IFI16: variants seen among roughly 807,000 people sequenced by gnomAD.
IFI16 encodes the protein interferon gamma inducible protein 16.
Under a neutral mutation model 68.4 loss-of-function variants are expected in IFI16, and 49 were observed. The ratio of observed to expected loss-of-function variants is 0.72; its 90% confidence interval spans 0.57 to 0.91. The LOEUF (loss-of-function observed/expected upper bound fraction) is 0.91. Ranked by LOEUF, IFI16 falls within the 40% of genes least tolerant of loss-of-function variation. The pLI is 0.00. For missense variants in IFI16, 878 were observed against 942.9 expected, an observed-to-expected ratio of 0.93 and a Z score of 0.90; for synonymous variants, 307 against 315.0, an observed-to-expected ratio of 0.97 and a Z score of 0.27.
chr1:159,042,661 A>G (rs1432248208), intron 7 of IFI16, among the ~76,000 whole-genome samples: 2 of 152,188 alleles, frequency 1.3e-5, no homozygotes, highest in African/African-American at 4.8e-5. Context: ...GTTTGCCTTC[A>G]TAGGTACCTT....
At position 159,018,438 on chromosome 1, in the gene IFI16, C is replaced by T. The variant is rs1653082078; in HGVS notation, c.759C>T (p.Phe253=). 4 of 1,613,362 alleles carry T rather than the reference C, an allele frequency of 2.5e-6. No individual in the cohort carries two copies. Among genetic ancestry groups the T allele is most frequent in the Admixed American group, 1.7e-5 (1 of 60,006 alleles). ...TAAACACCAGCTTGAAGGAGAAATT[C>T]AATGGAAAGAAAATCATCATCATAT... ...KVLNTSLKEK[F]NGKKIIIISD... Residue 253 remains phenylalanine, a synonymous_variant, in exon 5 of 12, where the codon TTC becomes TTT. Coordinates refer to ENST00000295809, the MANE Select transcript of IFI16 (RefSeq NM_001376587.1).
rs1242359398 is a variant in IFI16 at position 159,015,903 on chromosome 1, G to A, written c.297G>A (p.Lys99=). The A allele has an allele frequency of 1.2e-6, 2 of 1,614,030 alleles. No homozygotes were observed. Among genetic ancestry groups the A allele is most frequent in the Non-Finnish European group, 1.7e-6 (2 of 1,179,894 alleles). Residue 99 remains lysine, a synonymous_variant, in exon 3 of 12, where the codon AAG becomes AAA. Transcript: ENST00000295809. ...VKGPALSRKR[K]KEVDATSPAP... ...GACCAGCCCTATCAAGAAAGAGGAA[G>A]AAGGAAGTGGATGCTACTTCACCTG...
intron 2 of IFI16, 56 bp from the exon 3 acceptor site, chr1:159,015,816 T>A: frequency 7.7e-7 from 1 of 1,296,512 alleles, no homozygotes; most frequent in Non-Finnish European, 1.1e-6. Context: ...TCGGAGATCG[T>A]TTATATGTCT....
intron 1 of IFI16, among the ~76,000 whole-genome samples, chr1:159,011,852 A>G (rs1483423464): frequency 6.6e-6 from 1 of 152,144 alleles, no homozygotes; most frequent in East Asian, 1.9e-4. Context: ...AACAGGTCAG[A>G]CCTTTTAGGT....
chr1:159,031,039 C>G (rs1441802178), intron 6 of IFI16, among the ~76,000 whole-genome samples: 2 of 152,098 alleles, frequency 1.3e-5, no homozygotes, highest in Non-Finnish European at 2.9e-5. Flanking sequence ...GTGTGATTCT[C>G]AGGCCAATGG....
chr1:159,016,679 A>G lies in IFI16; in HGVS notation c.528A>G (p.Pro176=). 1 of 1,613,214 alleles carries G rather than the reference A, an allele frequency of 6.2e-7. No homozygotes were observed. The highest frequency in any genetic ancestry group is 1.1e-5 in the South Asian group (1 of 90,944). Residue 176 remains proline, a synonymous_variant, in exon 4 of 12, where the codon CCA becomes CCG. Transcript: ENST00000295809. ...CTCCCAAGACCTCATTGTCAGCTCC[A>G]CCCAACAGTTCTTCAACTGAGGTAC... ...SPSPKTSLSA[P]PNSSSTENPK... is the part of the protein sequence containing the mutation.
At chr1:159,040,212 G>C (rs1368166116) in intron 7 of IFI16, among the ~76,000 whole-genome samples, 1 of 152,032 alleles carries the variant, frequency 6.6e-6, no homozygotes, top group Non-Finnish European at 1.5e-5. Context: ...TGCATATGAG[G>C]CATATAATAA....
chr1:159,041,425 G>T (rs77829621), intron 7 of IFI16, among the ~76,000 whole-genome samples: 246 of 152,220 alleles, frequency 1.6e-3, no homozygotes, highest in African/African-American at 5.4e-3. Flanking sequence ...GAGGATCCTC[G>T]CAGCAAAGAT....
chr1:159,052,439 T>A, intron 10 of IFI16: 1 of 201,286 alleles, frequency 5.0e-6, no homozygotes, highest in South Asian at 1.2e-4. Flanking sequence ...TTTCTTTGAG[T>A]TCTTCTCCAT....
chr1:159,054,219 C>A (rs1655542516), intron 11 of IFI16, among the ~76,000 whole-genome samples: 1 of 152,186 alleles, frequency 6.6e-6, no homozygotes, highest in Non-Finnish European at 1.5e-5. Flanking sequence ...TAGTGAGATA[C>A]ATACACTGGT....
intron 4 of IFI16, among the ~76,000 whole-genome samples, chr1:159,017,441 G>C (rs1185971175): frequency 6.6e-6 from 1 of 151,602 alleles, no homozygotes. Context: ...TATAGTTTGT[G>C]GTGGGCACCA....
Position 159,020,429 on chromosome 1 carries a change from T to A in IFI16, c.1061T>A (p.Ile354Asn). The A allele has an allele frequency of 6.2e-7, 1 of 1,612,188 alleles. No homozygotes were observed. Among genetic ancestry groups the A allele is most frequent in the Non-Finnish European group, 8.5e-7 (1 of 1,178,346 alleles). ...GTGGGGACAGGACAATGTCACAATATCCCCTGTGAAGAAGGAGATAAGCTC... is the reference window on the plus strand; with the variant it reads ...GTGGGGACAGGACAATGTCACAATAACCCCTGTGAAGAAGGAGATAAGCTC... ...DVVGTGQCHN[I>N]PCEEGDKLQL... The change falls in exon 6 of 12, where the codon ATC (isoleucine) becomes AAC (asparagine). Residue 354 changes from isoleucine (I) to asparagine (N), a missense_variant. Transcript: ENST00000295809.
At chr1:159,028,454 G>C (rs1455200878) in intron 6 of IFI16, among the ~76,000 whole-genome samples, 1 of 152,026 alleles carries the variant, frequency 6.6e-6, no homozygotes, top group Non-Finnish European at 1.5e-5. Context: ...CTTGGAGAAT[G>C]TTCCATGTGC....
intron 6 of IFI16, among the ~76,000 whole-genome samples, chr1:159,021,345 C>A (rs916593430): frequency 2.0e-4 from 30 of 152,144 alleles, no homozygotes; most frequent in African/African-American, 6.8e-4. Flanking sequence ...TGAGAACATA[C>A]AATGTTTGGT....
At chr1:159,047,609 A>C (rs1432102342) in intron 8 of IFI16, among the ~76,000 whole-genome samples, 1 of 150,964 alleles carries the variant, frequency 6.6e-6, no homozygotes, top group Non-Finnish European at 1.5e-5. Flanking sequence ...TCCAAGGCAG[A>C]CTCATCCACC....
At chr1:159,033,240 G>A (rs577252248) in intron 7 of IFI16, among the ~76,000 whole-genome samples, 23 of 152,268 alleles carry the variant, frequency 1.5e-4, no homozygotes, top group Admixed American at 8.5e-4. Context: ...TGGAACTGAT[G>A]AGTCCTCCCA....
chr1:159,054,130 G>A (rs1358455759), intron 11 of IFI16, among the ~76,000 whole-genome samples: 1 of 152,110 alleles, frequency 6.6e-6, no homozygotes, highest in Non-Finnish European at 1.5e-5. Flanking sequence ...TACCATAGAG[G>A]GTCATCAACT....
At chr1:159,018,673 G>A (rs41264055) in intron 5 of IFI16, 22 bp downstream of exon 5, 17,068 of 1,533,810 alleles carry the variant, frequency 0.011, 123 homozygotes, top group East Asian at 0.02. Context: ...AAATTGTTTC[G>A]TTTCATTTTT....
chr1:159,027,287 C>T lies in IFI16; in HGVS notation c.1162-5237C>T, dbSNP rs969319514. On this transcript the variant is annotated intron_variant, in intron 6 of 11. Transcript: ENST00000295809. ...TTTTTTTGCGTCTACTTAGATGATC[C>T]GGTGATTTTTGTTTTTAATTATATT... Among the ~76,000 whole-genome samples, 7 of 149,568 alleles carry T rather than the reference C, an allele frequency of 4.7e-5. No individual in the cohort carries two copies. In the East Asian group the frequency reaches 5.8e-4, roughly 12 times the overall value.
Sources: gnomAD v4.1 joint callset for allele counts (sites outside exome capture counted in the v4.1 genomes callset) on GRCh38, gnomAD v4.1.1 for gene constraint, MANE v1.5 for transcripts, NCBI Gene and HGNC (gene_info 2026-07-23, HGNC 2026-07-21) for gene names.